SPATA31H1: variants seen among roughly 807,000 people sequenced by gnomAD.
The protein encoded by SPATA31H1 is SPATA31 subfamily H member 1.
the SPATA31H1 span, among the ~76,000 whole-genome samples, chr2:27,554,460 G>T: frequency 6.6e-6 from 1 of 151,980 alleles, no homozygotes; most frequent in Non-Finnish European, 1.5e-5. Flanking sequence ...TCCAGGATTG[G>T]GGTGCCAGCG....
At chr2:27,576,447 G>A in the SPATA31H1 span, 17 of 676,434 alleles carry the variant, frequency 2.5e-5, no homozygotes, top group Non-Finnish European at 4.0e-5. Flanking sequence ...TGTGAAATCT[G>A]TGAAGTCAAC....
the SPATA31H1 span, among the ~76,000 whole-genome samples, chr2:27,538,028 A>G: frequency 5.9e-5 from 9 of 152,248 alleles, no homozygotes; most frequent in South Asian, 1.7e-3. Context: ...ATTGGAAAAA[A>G]GATGTGGGAA....
chr2:27,580,055 G>A, the SPATA31H1 span: 2 of 1,614,066 alleles, frequency 1.2e-6, no homozygotes, highest in East Asian at 4.5e-5. Context: ...GCCATGGTGA[G>A]GTTCGGTTGC....
chr2:27,576,583 C>T, the SPATA31H1 span: 2 of 1,576,406 alleles, frequency 1.3e-6, no homozygotes, highest in Non-Finnish European at 1.7e-6. Flanking sequence ...ATGGAGCTGA[C>T]ACCAGGGGCC....
the SPATA31H1 span, among the ~76,000 whole-genome samples, chr2:27,538,186 A>C: frequency 6.6e-6 from 1 of 152,200 alleles, no homozygotes; most frequent in African/African-American, 2.4e-5. Flanking sequence ...CTTGGTATAA[A>C]TACAACTCTG....
the SPATA31H1 span, chr2:27,573,535 T>C: frequency 1.5e-5 from 6 of 398,430 alleles, no homozygotes; most frequent in Middle Eastern, 6.2e-4. Context: ...GAACATCAGT[T>C]GCCAGGGCTC....
the SPATA31H1 span, chr2:27,569,299 C>T: frequency 2.5e-6 from 1 of 398,950 alleles, no homozygotes; most frequent in Non-Finnish European, 4.4e-6. Context: ...GGGCCATGTT[C>T]AGAAGTTACT....
chr2:27,540,309 G>A, the SPATA31H1 span, among the ~76,000 whole-genome samples: 12 of 113,514 alleles, frequency 1.1e-4, no homozygotes, highest in South Asian at 3.4e-4. Flanking sequence ...GCGGCTGGCC[G>A]GGCAGAGGGG....
chr2:27,573,272 C>T, the SPATA31H1 span: 7 of 398,300 alleles, frequency 1.8e-5, no homozygotes, highest in Non-Finnish European at 2.2e-5. Flanking sequence ...TGGCGTCAAC[C>T]TCAGAGCCAC....
the SPATA31H1 span, among the ~76,000 whole-genome samples, chr2:27,554,932 C>T: frequency 6.6e-6 from 1 of 151,936 alleles, no homozygotes; most frequent in African/African-American, 2.4e-5. Flanking sequence ...CCCTCATGAC[C>T]TAATCACTTC....
chr2:27,551,989 T>C, the SPATA31H1 span, among the ~76,000 whole-genome samples: 1 of 151,932 alleles, frequency 6.6e-6, no homozygotes, highest in African/African-American at 2.4e-5. Flanking sequence ...CTAATTTTTG[T>C]ATTTTTAGTA....
At chr2:27,578,892 A>G in the SPATA31H1 span, 433,008 of 1,613,474 alleles carry the variant, frequency 0.27, 63,845 homozygotes, top group East Asian at 0.53. Context: ...TGGGACAGAT[A>G]TTTTGCAGCC....
the SPATA31H1 span, among the ~76,000 whole-genome samples, chr2:27,539,975 C>T: frequency 7.4e-6 from 1 of 134,478 alleles, no homozygotes; most frequent in African/African-American, 2.8e-5. Flanking sequence ...GGCTGATCCC[C>T]CCACCTCCCT....
chr2:27,554,587 T>TTTTGTTTTGC, the SPATA31H1 span, among the ~76,000 whole-genome samples: 3 of 151,898 alleles, frequency 2.0e-5, no homozygotes, highest in Non-Finnish European at 4.4e-5. Context: ...TTTTGTTTTG[T>TTTTGTTTTGC]TTTTGAGACA....
the SPATA31H1 span, chr2:27,570,437 G>A: frequency 2.3e-5 from 9 of 398,734 alleles, no homozygotes; most frequent in South Asian, 2.5e-4. Context: ...TCAATTCTGC[G>A]GATCAAACTC....
At chr2:27,545,547 C>T in the SPATA31H1 span, among the ~76,000 whole-genome samples, 7 of 150,834 alleles carry the variant, frequency 4.6e-5, no homozygotes, top group African/African-American at 1.7e-4. Context: ...ACCTTCTTGC[C>T]AACACTTGGC....
the SPATA31H1 span, chr2:27,573,078 C>T: frequency 1.0e-5 from 4 of 396,736 alleles, no homozygotes; most frequent in Non-Finnish European, 1.8e-5. Context: ...TTCACAATCT[C>T]GAGGTGTCAA....
the SPATA31H1 span, chr2:27,575,395 C>T: frequency 2.5e-6 from 1 of 398,462 alleles, no homozygotes; most frequent in South Asian, 1.3e-4. The surrounding 1 kb of genome is among the most constrained non-coding windows in gnomAD (Gnocchi z 4.1). Flanking sequence ...GAATTATGCA[C>T]AGGGACAAAG....
chr2:27,567,836 G>A, the SPATA31H1 span: 1 of 399,024 alleles, frequency 2.5e-6, no homozygotes, highest in Non-Finnish European at 4.4e-6. Flanking sequence ...ATAGCCTAAA[G>A]GTAACTCCAT....
Sources: gnomAD v4.1 joint callset for allele counts (sites outside exome capture counted in the v4.1 genomes callset) on GRCh38, gnomAD v4.1.1 for gene constraint, Gnocchi (gnomAD v3.1) non-coding constraint, MANE v1.5 for transcripts, NCBI Gene and HGNC (gene_info 2026-07-23, HGNC 2026-07-21) for gene names.